The following GCC2 variants were observed in gnomAD, a reference collection of about 807,000 sequenced individuals.
GCC2 encodes the protein GRIP and coiled-coil domain-containing protein 2.
Under a neutral mutation model 210.6 loss-of-function variants are expected in GCC2, and 120 were observed. The ratio of observed to expected loss-of-function variants is 0.57; its 90% CI spans 0.49 to 0.66. GCC2 has a LOEUF of 0.66. GCC2 is among the 30% of genes least tolerant of loss of function. The pLI is 0.00. For missense variants in GCC2, 1,868 were observed against 1,871.9 expected, an observed-to-expected ratio of 1.00 and a Z score of 0.04; for synonymous variants, 703 against 652.7, an observed-to-expected ratio of 1.08 and a Z score of -1.17.
intron 12 of GCC2, among the ~76,000 whole-genome samples, chr2:108,483,378 C>T (rs1246405779): frequency 6.6e-6 from 1 of 152,058 alleles, no homozygotes; most frequent in Admixed American, 6.6e-5. Flanking sequence ...CATGCGTCAC[C>T]ACACCCGGCT....
At chr2:108,486,002 C>A in intron 15 of GCC2, 94 bp downstream of exon 15, 3 of 593,106 alleles carry the variant, frequency 5.1e-6, no homozygotes, top group South Asian at 5.0e-5. Context: ...ATAACGATAT[C>A]TAGAAAGATT....
At chr2:108,488,070 T>TA (rs1464610059) in intron 17 of GCC2, among the ~76,000 whole-genome samples, 1 of 151,982 alleles carries the variant, frequency 6.6e-6, no homozygotes, top group African/African-American at 2.4e-5. Context: ...CATACCCAGC[T>TA]AATTTTTGTA....
At position 108,470,822 on chromosome 2, in the gene GCC2, C is replaced by A; in HGVS notation, c.1493C>A (p.Ala498Asp). ...TTACAAACAGAACTGGGGGAATCTG[C>A]TGGAAAAATAAGTCAAGAGTTCGAA... ...EILQTELGES[A>D]GKISQEFESM... The change falls in exon 6 of 23, where the codon GCT becomes GAT. Residue 498 changes from alanine to aspartate, a missense_variant. Physicochemically the swap from Ala to Asp is moderately radical, Grantham distance 126. Coordinates refer to ENST00000309863, the MANE Select transcript of GCC2 (RefSeq NM_181453.4). The A allele has an allele frequency of 6.2e-7, 1 of 1,613,408 alleles. No individual in the cohort carries two copies. Among genetic ancestry groups the A allele is most frequent in the African/African-American group, 1.3e-5 (1 of 74,986 alleles).
rs1032848549 is a variant in GCC2, at chr2:108,449,295, G to A, written c.6+15G>A. Reference sequence around the variant, plus strand: ...CGGAGATGGAGGTAACTCAGGTCGGGCCCACTGCCTCCCATCAAGCCTTCC... The same window carrying A: ...CGGAGATGGAGGTAACTCAGGTCGGACCCACTGCCTCCCATCAAGCCTTCC... On this transcript the variant is annotated intron_variant, in intron 1 of 22. Transcript: ENST00000309863. 6.5e-6 allele frequency: 10 copies of A among 1,548,716 alleles called. No homozygotes were observed. Among genetic ancestry groups the A allele is most frequent in the East Asian group, 4.9e-5 (2 of 40,852 alleles).
chr2:108,470,755 G>A lies in GCC2; in HGVS notation c.1426G>A (p.Ala476Thr), dbSNP rs766508161. ...CENLQQEKQE[A>T]ILNYESLREI... Reference sequence around the variant, plus strand: ...AAACCTACAGCAAGAAAAGCAAGAAGCAATTTTAAATTATGAGAGTTTACG... The same window carrying A: ...AAACCTACAGCAAGAAAAGCAAGAAACAATTTTAAATTATGAGAGTTTACG... Residue 476 changes from alanine to threonine, a missense_variant, in exon 6 of 23, where the codon GCA becomes ACA. By Grantham distance (58) the Ala-to-Thr change is moderately conservative. Around this residue, in one of 3 missense-constraint regions of GCC2, gnomAD observed 1,847 missense variants for 1,765.2 expected, o/e 1.05. Coordinates refer to ENST00000309863, the MANE Select transcript of GCC2 (RefSeq NM_181453.4). 6.2e-7 allele frequency: 1 copy of A among 1,613,408 alleles called. No homozygotes were observed. The highest frequency in any genetic ancestry group is 1.1e-5 in the South Asian group (1 of 90,942).
intron 4 of GCC2, among the ~76,000 whole-genome samples, chr2:108,468,252 G>C (rs563480430): frequency 6.6e-6 from 1 of 151,906 alleles, no homozygotes; most frequent in African/African-American, 2.4e-5. Context: ...TTTTAGTAGA[G>C]ACAGAGTTTC....
chr2:108,484,073 T>C, intron 12 of GCC2, 76 bp from the exon 13 acceptor site: 1 of 895,788 alleles, frequency 1.1e-6, no homozygotes, highest in Non-Finnish European at 1.7e-6. Flanking sequence ...ATTTTAGCAA[T>C]TTTACAAATG....
Position 108,502,765 on chromosome 2 carries a change from A to G in GCC2, c.4984+3011A>G, listed in dbSNP as rs1682985330. ...TGGTGAAACCCCGTCTCTACTCAGA[A>G]TACAAAAATTAGCCGGGCGTGGTGG... On this transcript the variant is annotated intron_variant, in intron 22 of 22. Coordinates refer to ENST00000309863, the MANE Select transcript of GCC2 (RefSeq NM_181453.4). Among the ~76,000 whole-genome samples the G allele has an allele frequency of 3.3e-5, 5 of 152,046 alleles. No homozygotes were observed. In the South Asian group the frequency reaches 1.0e-3, roughly 32 times the overall value.
Position 108,471,699 on chromosome 2 carries a change from G to C in GCC2, c.2370G>C (p.Leu790Phe). ...VNVLQAVGESLAKINEEKCNL... is the reference protein window; with the variant it reads ...VNVLQAVGESFAKINEEKCNL... ...TCCTACAGGCAGTCGGTGAATCCTT[G>C]GCAAAAATAAATGAGGAAAAATGCA... The change falls in exon 6 of 23, where the codon TTG becomes TTC. Residue 790 changes from leucine to phenylalanine, a missense_variant. Coordinates refer to ENST00000309863, the MANE Select transcript of GCC2 (RefSeq NM_181453.4). 1 of 1,613,482 alleles carries C rather than the reference G, an allele frequency of 6.2e-7. No individual in the cohort carries two copies. The highest frequency in any genetic ancestry group is 8.5e-7 in the Non-Finnish European group (1 of 1,179,714).
chr2:108,473,398 T>C (rs1274825399), intron 7 of GCC2: 1 of 152,132 alleles, frequency 6.6e-6, no homozygotes, highest in Non-Finnish European at 1.5e-5. Context: ...AAAGGTATTC[T>C]AGGAAGAAGG....
chr2:108,484,477 A>G (rs1682027942), intron 13 of GCC2, 166 bp downstream of exon 13: 1 of 456,364 alleles, frequency 2.2e-6, no homozygotes, highest in East Asian at 3.8e-5. Context: ...ACTGTTTGCC[A>G]TTAAGTTGTT....
chr2:108,463,844 AT>A, intron 4 of GCC2, among the ~76,000 whole-genome samples: 1 of 152,218 alleles, frequency 6.6e-6, no homozygotes, highest in Non-Finnish European at 1.5e-5. Flanking sequence ...TGATTTGTTG[AT>A]TGGGCCAGTC....
At chr2:108,501,022 G>A (rs1682898852) in intron 22 of GCC2, among the ~76,000 whole-genome samples, 1 of 152,136 alleles carries the variant, frequency 6.6e-6, no homozygotes, top group African/African-American at 2.4e-5. Context: ...TTGAGACATA[G>A]TGTTGCTCTG....
rs1202843350 is a variant in GCC2 at position 108,471,920 on chromosome 2, TGAA to T, written c.2595_2597del (p.Lys865del). 6.2e-7 allele frequency: 1 copy of T among 1,600,900 alleles called. No homozygotes were observed. Among genetic ancestry groups the T allele is most frequent in the Non-Finnish European group, 8.5e-7 (1 of 1,176,018 alleles). Reference sequence around the variant, plus strand: ...GCCCTGCAGTCTGATCTTCTAGAAATGAAGAATGCTAATGAAAAAACAAGGCTT... The same window carrying T: ...GCCCTGCAGTCTGATCTTCTAGAAATGAATGCTAATGAAAAAACAAGGCTT... On this transcript the variant is annotated inframe_deletion, in exon 6 of 23. Transcript: ENST00000309863.
In GCC2 at chr2:108,485,712, G is replaced by A. The variant is rs1237737956; in HGVS notation, c.3690G>A (p.Lys1230=). The stretch of plus-strand genomic sequence containing the variant: ...AGCAATTGCTTGTGAAAACCAAAAA[G>A]GAACTGGCAGATTCAAAGCAAGCAG... ...KIKQLLVKTK[K]ELADSKQAET... is the part of the protein sequence containing the mutation. Residue 1230 remains lysine, a synonymous_variant, in exon 14 of 23, where the codon AAG becomes AAA. Transcript: ENST00000309863. 1.9e-6 allele frequency: 3 copies of A among 1,593,898 alleles called. No homozygotes were observed. Among genetic ancestry groups the A allele is most frequent in the Non-Finnish European group, 2.6e-6 (3 of 1,170,504 alleles).
chr2:108,486,795 T>TAA, intron 16 of GCC2, 147 bp downstream of exon 16: 1 of 570,398 alleles, frequency 1.8e-6, no homozygotes, highest in Non-Finnish European at 2.8e-6. Context: ...AATCTGGCTT[T>TAA]AACCCCAATC....
chr2:108,498,651 C>T (rs567729768), intron 21 of GCC2, among the ~76,000 whole-genome samples: 7 of 152,302 alleles, frequency 4.6e-5, no homozygotes, highest in African/African-American at 1.2e-4. Context: ...TGGTTTCAAC[C>T]TGGAAATCTT....
chr2:108,485,325 AAAAAAAAAAG>A (rs1022995355), intron 13 of GCC2, among the ~76,000 whole-genome samples: 29 of 151,932 alleles, frequency 1.9e-4, no homozygotes, highest in Non-Finnish European at 3.1e-4. Flanking sequence ...GTATAATTAA[AAAAAAAAAAG>A]AAAAAAAAAA....
chr2:108,493,629 T>C (rs912902112), intron 19 of GCC2: 7 of 985,414 alleles, frequency 7.1e-6, no homozygotes, highest in Non-Finnish European at 8.4e-6. Context: ...CAGGAAGACA[T>C]GGAAAAATGT....
Sources: allele counts gnomAD v4.1 joint callset (sites outside exome capture counted in the v4.1 genomes callset), GRCh38; gene constraint gnomAD v4.1.1; regional missense constraint gnomAD v4.1.1; transcripts MANE v1.5; gene names NCBI Gene and HGNC (gene_info 2026-07-23, HGNC 2026-07-21).